Variants in SCAMP1 observed in about 807,000 individuals in gnomAD.
The protein encoded by SCAMP1 is secretory carrier membrane protein 1, also known as secretory carrier-associated membrane protein 1.
SCAMP1 carries 15 observed loss-of-function variants against 41.8 expected under a neutral mutation model. That is an observed-to-expected ratio of 0.36 (90% CI 0.24 to 0.55). SCAMP1 has a LOEUF of 0.55. Among genes scored for constraint, SCAMP1 ranks in the 20% least tolerant of loss-of-function variants. The pLI is 0.86. For missense variants in SCAMP1, 341 were observed against 412.6 expected, an observed-to-expected ratio of 0.83 and a Z score of 1.50; for synonymous variants, 135 against 136.8, an observed-to-expected ratio of 0.99 and a Z score of 0.09.
At chr5:78,403,531 A>G (rs1376600169) in intron 2 of SCAMP1, among the ~76,000 whole-genome samples, 1 of 152,104 alleles carries the variant, frequency 6.6e-6, no homozygotes, top group African/African-American at 2.4e-5. Flanking sequence ...GTGGTGTCTC[A>G]TGCATGTAAT....
intron 6 of SCAMP1, among the ~76,000 whole-genome samples, chr5:78,436,750 A>G (rs1016492984): frequency 1.3e-5 from 2 of 152,114 alleles, no homozygotes; most frequent in East Asian, 1.9e-4. Flanking sequence ...TTTTTTTCCA[A>G]TTCTGTGAAG....
chr5:78,419,226 G>C (rs1752280961), intron 5 of SCAMP1, among the ~76,000 whole-genome samples: 1 of 152,020 alleles, frequency 6.6e-6, no homozygotes. Context: ...GATTTGCTTG[G>C]AAAAAATAGT....
At chr5:78,438,701 G>A (rs1240015374) in intron 6 of SCAMP1, among the ~76,000 whole-genome samples, 1 of 152,174 alleles carries the variant, frequency 6.6e-6, no homozygotes, top group Non-Finnish European at 1.5e-5. Flanking sequence ...TTGATTTTGG[G>A]TGGACAGTTC....
At chr5:78,384,440 C>T (rs777313202) in intron 1 of SCAMP1, among the ~76,000 whole-genome samples, 7 of 151,916 alleles carry the variant, frequency 4.6e-5, no homozygotes, top group African/African-American at 1.7e-4. Flanking sequence ...TTTGGATGCC[C>T]TTTGTTTCTT....
intron 5 of SCAMP1, among the ~76,000 whole-genome samples, chr5:78,419,314 G>A (rs1047247189): frequency 7.2e-5 from 11 of 152,120 alleles, no homozygotes; most frequent in African/African-American, 2.7e-4. Context: ...TTTTAAAAGG[G>A]CATAAAATTA....
intron 2 of SCAMP1, among the ~76,000 whole-genome samples, chr5:78,405,378 C>T (rs1751910034): frequency 6.6e-6 from 1 of 152,182 alleles, no homozygotes; most frequent in African/African-American, 2.4e-5. Context: ...ATATTCCATG[C>T]ATTCTCCTGA....
At chr5:78,392,031 GAGGGAGACCGTGGAA>G (rs1751527252) in intron 2 of SCAMP1, among the ~76,000 whole-genome samples, 4 of 4,318 alleles carry the variant, frequency 9.3e-4, no homozygotes, top group African/African-American at 2.0e-3. Context: ...GAGAGAGGGA[GAGGGAGACCGTGGAA>G]AGAGAGGGAG....
At chr5:78,439,912 T>C (rs1238222264) in intron 6 of SCAMP1, among the ~76,000 whole-genome samples, 2 of 152,184 alleles carry the variant, frequency 1.3e-5, no homozygotes, top group Admixed American at 6.5e-5. Flanking sequence ...CTTTGTTGAT[T>C]TCTTTTTACT....
Position 78,449,919 on chromosome 5 carries a change from T to C in SCAMP1, c.633-14T>C. On this transcript the variant is annotated splice_polypyrimidine_tract_variant and intron_variant, in intron 6 of 8. Transcript: ENST00000621999. ...TAACCCCCTTTTTTCTTTCTTTCTT[T>C]TTTTTTTTCAAAGGAGTGACAGTTC... The C allele has an allele frequency of 7.0e-7, 1 of 1,433,704 alleles. No homozygotes were observed. The allele number at this position is 1,433,704 out of a possible 1,614,324, so 88.8% of individuals were successfully genotyped here. A position where few individuals can be genotyped will look rare whatever the true frequency, so the allele number is the denominator to read the frequency against.
intron 2 of SCAMP1, among the ~76,000 whole-genome samples, chr5:78,411,179 G>T (rs1262644243): frequency 6.6e-6 from 1 of 152,020 alleles, no homozygotes; most frequent in Non-Finnish European, 1.5e-5. Context: ...TTGTTGCATT[G>T]CTTTTGTAGT....
chr5:78,468,880 A>G (rs114129635), intron 8 of SCAMP1, among the ~76,000 whole-genome samples: 290 of 152,262 alleles, frequency 1.9e-3, no homozygotes, highest in African/African-American at 6.7e-3. Flanking sequence ...TAGTTTTCTT[A>G]GGTGAAAAGT....
chr5:78,392,708 TG>T (rs1357894233), intron 2 of SCAMP1, among the ~76,000 whole-genome samples: 3 of 152,236 alleles, frequency 2.0e-5, no homozygotes, highest in Non-Finnish European at 4.4e-5. Flanking sequence ...TTATGATAAT[TG>T]GGTGCATTTT....
chr5:78,422,416 A>G (rs1334317447), intron 6 of SCAMP1, among the ~76,000 whole-genome samples: 1 of 152,030 alleles, frequency 6.6e-6, no homozygotes, highest in Non-Finnish European at 1.5e-5. Flanking sequence ...TTCTTTATAA[A>G]TCCATTTTAG....
intron 1 of SCAMP1, among the ~76,000 whole-genome samples, chr5:78,384,802 C>T (rs1561254277): frequency 6.6e-6 from 1 of 152,072 alleles, no homozygotes; most frequent in Non-Finnish European, 1.5e-5. Context: ...CTTATGAAAC[C>T]ACTTGATTAT....
At chr5:78,390,535 G>A (rs1309716494) in intron 2 of SCAMP1, among the ~76,000 whole-genome samples, 1 of 152,154 alleles carries the variant, frequency 6.6e-6, no homozygotes, top group Non-Finnish European at 1.5e-5. Flanking sequence ...GGGAAAAAAA[G>A]AAGAGCTGGC....
chr5:78,382,767 GTAT>G (rs1055325881), intron 1 of SCAMP1, among the ~76,000 whole-genome samples: 2 of 142,056 alleles, frequency 1.4e-5, no homozygotes, highest in African/African-American at 5.2e-5. Context: ...TGGCTGAGTA[GTAT>G]TCCATGGTGT....
chr5:78,405,650 T>C (rs1001686269), intron 2 of SCAMP1, among the ~76,000 whole-genome samples: 12 of 152,218 alleles, frequency 7.9e-5, no homozygotes, highest in African/African-American at 2.9e-4. Context: ...TGCTGGAATG[T>C]AGCTTTATGG....
At chr5:78,422,053 T>G (rs959458019) in intron 6 of SCAMP1, 93 bp downstream of exon 6, 78 of 1,088,954 alleles carry the variant, frequency 7.2e-5, no homozygotes, top group Non-Finnish European at 9.5e-5. Flanking sequence ...GCATTTTCAT[T>G]AAAAAATTCT....
rs187336020 is a variant in SCAMP1 at position 78,479,914 on chromosome 5, C to T, written c.*4246C>T. On this transcript the variant is annotated 3_prime_UTR_variant, in exon 9 of 9. Coordinates refer to ENST00000621999, the MANE Select transcript of SCAMP1 (RefSeq NM_004866.6). The stretch of plus-strand genomic sequence containing the variant: ...AAAAAAAATTAGCTGAGCATGGTGG[C>T]GGGCGCCTGTAGTCCCAGCTACTTG... 2.2e-4 allele frequency among the ~76,000 whole-genome samples: 34 copies of T among 152,048 alleles called. No homozygotes were observed. Among genetic ancestry groups the T allele is most frequent in the African/African-American group, 6.0e-4 (25 of 41,498 alleles).
Sources: gnomAD v4.1 joint callset for allele counts (sites outside exome capture counted in the v4.1 genomes callset) on GRCh38, gnomAD v4.1.1 for gene constraint, MANE v1.5 for transcripts, NCBI Gene and HGNC (gene_info 2026-07-23, HGNC 2026-07-21) for gene names.